Variants in TBC1D22A observed in about 807,000 individuals in gnomAD.
TBC1D22A encodes TBC1 domain family member 22A.
TBC1D22A carries 38 observed loss-of-function variants against 60.2 expected under a neutral mutation model. The observed-to-expected ratio is 0.63, with a 90% CI of 0.49 to 0.83. The LOEUF is 0.83. Ranked by LOEUF, TBC1D22A falls within the 40% of genes least tolerant of loss-of-function variation. TBC1D22A has a pLI of 0.00. For missense variants in TBC1D22A, 628 were observed against 701.0 expected (o/e 0.90, Z 1.18); for synonymous variants, 302 against 281.7 (o/e 1.07, Z -0.72).
Position 46,822,963 on chromosome 22 carries a change from C to T in TBC1D22A, c.637+25343C>T, listed in dbSNP as rs188019217. 2.0e-5 allele frequency among the ~76,000 whole-genome samples: 3 copies of T among 152,266 alleles called. No individual in the cohort carries two copies. In the East Asian group the frequency reaches 5.8e-4, roughly 29 times the overall value. ...CCCCAAGCCAGAGACCCCATCATTC[C>T]TGGGTTGAAAACCACTATCCTAGGG... On this transcript the variant is annotated intron_variant, in intron 4 of 12. Coordinates refer to ENST00000337137, the MANE Select transcript of TBC1D22A (RefSeq NM_014346.5).
At chr22:47,148,166 G>T (rs2067354559) in intron 12 of TBC1D22A, among the ~76,000 whole-genome samples, 1 of 152,102 alleles carries the variant, frequency 6.6e-6, no homozygotes, top group South Asian at 2.1e-4. Context: ...GCCCCGAGAG[G>T]CCACCACCCC....
chr22:46,847,549 C>T (rs931733905), intron 4 of TBC1D22A, among the ~76,000 whole-genome samples: 9 of 152,218 alleles, frequency 5.9e-5, no homozygotes, highest in East Asian at 1.9e-4. Flanking sequence ...TCTCTTCACA[C>T]GCTCCTCCTG....
intron 11 of TBC1D22A, among the ~76,000 whole-genome samples, chr22:47,072,396 C>T (rs889495874): frequency 4.6e-5 from 7 of 152,364 alleles, no homozygotes; most frequent in East Asian, 1.9e-4. Context: ...TGCTTCTGGT[C>T]GCAGCCTCCT....
At chr22:46,834,917 T>C (rs1440497044) in intron 4 of TBC1D22A, among the ~76,000 whole-genome samples, 3 of 152,170 alleles carry the variant, frequency 2.0e-5, no homozygotes, top group Admixed American at 6.5e-5. Context: ...CTTTCCTATA[T>C]TGAGAGAAAG....
chr22:47,037,203 G>A lies in TBC1D22A; in HGVS notation c.1329+5G>A. ...CGCCTGTGGGACACCTACCAGGTGAGCTCTCCTTCGCACCCTCCGCCATGG... is the reference window on the plus strand; with the variant it reads ...CGCCTGTGGGACACCTACCAGGTGAACTCTCCTTCGCACCCTCCGCCATGG... On this transcript the variant is annotated splice_donor_5th_base_variant and intron_variant, in intron 11 of 12. Transcript: ENST00000337137. 6.2e-7 allele frequency: 1 copy of A among 1,613,164 alleles called. No homozygotes were observed. The highest frequency in any genetic ancestry group is 8.5e-7 in the Non-Finnish European group (1 of 1,179,786).
chr22:47,153,956 C>T (rs1012938345), intron 12 of TBC1D22A, among the ~76,000 whole-genome samples: 17 of 151,840 alleles, frequency 1.1e-4, no homozygotes, highest in Non-Finnish European at 2.1e-4. Context: ...TCTGAAGGTC[C>T]GCAGAAGTCA....
chr22:47,014,296 T>G (rs970275305), intron 10 of TBC1D22A, among the ~76,000 whole-genome samples: 1 of 152,174 alleles, frequency 6.6e-6, no homozygotes, highest in Non-Finnish European at 1.5e-5. Context: ...CATTGAGTGT[T>G]GACTCTTCTG....
At chr22:46,925,413 CTG>C (rs1466979217) in intron 8 of TBC1D22A, among the ~76,000 whole-genome samples, 1 of 152,244 alleles carries the variant, frequency 6.6e-6, no homozygotes, top group Non-Finnish European at 1.5e-5. Flanking sequence ...CCTGAACTGA[CTG>C]TGCAGGTGCC....
At chr22:46,911,216 G>A (rs900963488) in intron 7 of TBC1D22A, among the ~76,000 whole-genome samples, 6 of 152,130 alleles carry the variant, frequency 3.9e-5, no homozygotes, top group African/African-American at 1.2e-4. Context: ...AATATATTGA[G>A]AGTATTGGAG....
intron 8 of TBC1D22A, among the ~76,000 whole-genome samples, chr22:46,964,280 T>G (rs575495045): frequency 6.6e-6 from 1 of 152,170 alleles, no homozygotes; most frequent in Non-Finnish European, 1.5e-5. Context: ...AGGAAGAAGT[T>G]TATTTGTGGG....
At chr22:47,114,853 G>A (rs117178277) in intron 12 of TBC1D22A, among the ~76,000 whole-genome samples, 5,884 of 152,232 alleles carry the variant, frequency 0.039, 430 homozygotes, top group East Asian at 0.33. Context: ...CAGGGAGGGG[G>A]CGATGGGTCA....
chr22:46,893,181 T>G (rs1161779223), intron 6 of TBC1D22A, among the ~76,000 whole-genome samples: 1 of 152,214 alleles, frequency 6.6e-6, no homozygotes, highest in Admixed American at 6.5e-5. Flanking sequence ...CTTTCTTCAT[T>G]TGATTTTTAT....
At chr22:47,060,672 TC>T (rs1348255505) in intron 11 of TBC1D22A, among the ~76,000 whole-genome samples, 1 of 152,206 alleles carries the variant, frequency 6.6e-6, no homozygotes, top group Non-Finnish European at 1.5e-5. Flanking sequence ...CCTCAGGTGA[TC>T]CGACTGCCTC....
chr22:46,904,985 G>T (rs962858644), intron 7 of TBC1D22A, among the ~76,000 whole-genome samples: 2 of 150,060 alleles, frequency 1.3e-5, no homozygotes, highest in Admixed American at 1.3e-4. Flanking sequence ...CGTGTTAGCC[G>T]GGATGGTCTC....
intron 11 of TBC1D22A, among the ~76,000 whole-genome samples, chr22:47,061,569 A>G (rs1055691871): frequency 1.3e-5 from 2 of 152,070 alleles, no homozygotes; most frequent in African/African-American, 2.4e-5. Flanking sequence ...ACACAGTCCT[A>G]AACATATTTG....
chr22:46,840,713 G>GAA, intron 4 of TBC1D22A, among the ~76,000 whole-genome samples: 1 of 151,392 alleles, frequency 6.6e-6, no homozygotes, highest in African/African-American at 2.4e-5. Flanking sequence ...AGCCTGGGTG[G>GAA]CAGAGCGAGA....
At chr22:47,040,319 G>A (rs2062800221) in intron 11 of TBC1D22A, among the ~76,000 whole-genome samples, 1 of 152,118 alleles carries the variant, frequency 6.6e-6, no homozygotes. Context: ...GAGAAGGGTG[G>A]TGGTAAACCA....
chr22:46,975,375 C>G (rs182624585), intron 9 of TBC1D22A, among the ~76,000 whole-genome samples: 1 of 152,222 alleles, frequency 6.6e-6, no homozygotes, highest in Non-Finnish European at 1.5e-5. Flanking sequence ...GCTGACAGAG[C>G]AGGACTTGTC....
At chr22:47,010,271 G>A (rs1022032524) in intron 10 of TBC1D22A, among the ~76,000 whole-genome samples, 2 of 152,186 alleles carry the variant, frequency 1.3e-5, no homozygotes, top group South Asian at 2.1e-4. Flanking sequence ...TACAAAGTAA[G>A]CAGCCGAGAA....
Sources: gnomAD v4.1 joint callset for allele counts (sites outside exome capture counted in the v4.1 genomes callset) on GRCh38, gnomAD v4.1.1 for gene constraint, MANE v1.5 for transcripts, NCBI Gene and HGNC (gene_info 2026-07-23, HGNC 2026-07-21) for gene names.